The following LINC00305 variants were observed in gnomAD, a reference collection of about 807,000 sequenced individuals.
LINC00305 encodes long intergenic non-protein coding RNA 305.
At chr18:64,098,592 G>A in exon 2 of LINC00305, 1 of 446,484 alleles carries the variant, frequency 2.2e-6, no homozygotes, top group South Asian at 1.6e-5. Flanking sequence ...ATAATGCACA[G>A]TCTATGAAGG....
At chr18:64,124,523 A>C (rs1414943318) in intron 1 of LINC00305, among the ~76,000 whole-genome samples, 1 of 152,138 alleles carries the variant, frequency 6.6e-6, no homozygotes, top group African/African-American at 2.4e-5. Flanking sequence ...AAACTGATTA[A>C]ATTTTTTAAA....
At chr18:64,132,882 T>A (rs1222478260) in intron 1 of LINC00305, among the ~76,000 whole-genome samples, 2 of 152,134 alleles carry the variant, frequency 1.3e-5, no homozygotes, top group South Asian at 2.1e-4. Context: ...GGTGACACCA[T>A]CCCAGCATGA....
At chr18:64,096,041 AT>A (rs554993426) in intron 3 of LINC00305, among the ~76,000 whole-genome samples, 55 of 152,130 alleles carry the variant, frequency 3.6e-4, no homozygotes, top group Admixed American at 3.2e-3. Context: ...ATAAAAAAAA[AT>A]ATTAAAAAAT....
chr18:64,144,201 G>A (rs1436331231), intron 1 of LINC00305, among the ~76,000 whole-genome samples: 1 of 152,164 alleles, frequency 6.6e-6, no homozygotes, highest in Admixed American at 6.5e-5. Context: ...AAGTTGACTG[G>A]AGTTGGTGAA....
At chr18:64,123,016 C>T (rs926482112) in intron 1 of LINC00305, among the ~76,000 whole-genome samples, 1 of 151,952 alleles carries the variant, frequency 6.6e-6, no homozygotes, top group Non-Finnish European at 1.5e-5. Flanking sequence ...AGAATTAATA[C>T]TGATTTTTGT....
At chr18:64,123,528 A>G (rs963736733) in intron 1 of LINC00305, among the ~76,000 whole-genome samples, 1 of 152,134 alleles carries the variant, frequency 6.6e-6, no homozygotes, top group African/African-American at 2.4e-5. Context: ...CTGCTAATAA[A>G]TTCACATAGC....
chr18:64,140,170 C>G (rs1277997136), intron 1 of LINC00305, among the ~76,000 whole-genome samples: 2 of 152,034 alleles, frequency 1.3e-5, no homozygotes, highest in East Asian at 3.9e-4. Flanking sequence ...TCGGAATTAC[C>G]TTGCGTTCCT....
At chr18:64,116,689 G>A (rs1027673577) in intron 1 of LINC00305, among the ~76,000 whole-genome samples, 2 of 152,156 alleles carry the variant, frequency 1.3e-5, no homozygotes, top group Non-Finnish European at 2.9e-5. Context: ...CCATGATCAA[G>A]CTAATTAACA....
intron 1 of LINC00305, among the ~76,000 whole-genome samples, chr18:64,110,847 G>A (rs959206830): frequency 3.9e-5 from 6 of 152,176 alleles, no homozygotes; most frequent in African/African-American, 1.4e-4. Context: ...AAACTAAGCC[G>A]TTATTACCTG....
chr18:64,123,229 T>C (rs1468893814), intron 1 of LINC00305, among the ~76,000 whole-genome samples: 1 of 152,112 alleles, frequency 6.6e-6, no homozygotes, highest in Non-Finnish European at 1.5e-5. Context: ...ATAGAAGTGG[T>C]GAAAGCGGTT....
intron 1 of LINC00305, among the ~76,000 whole-genome samples, chr18:64,106,117 C>T (rs1163961034): frequency 6.6e-6 from 1 of 152,318 alleles, no homozygotes; most frequent in African/African-American, 2.4e-5. Flanking sequence ...TGATTGGCAC[C>T]TGAACTTTAG....
At chr18:64,097,259 G>A (rs1391820535) in intron 3 of LINC00305, among the ~76,000 whole-genome samples, 3 of 152,072 alleles carry the variant, frequency 2.0e-5, no homozygotes, top group Non-Finnish European at 2.9e-5. Flanking sequence ...ATTAATTGCT[G>A]TGAATTAAAT....
chr18:64,085,026 A>C (rs916073713), intron 3 of LINC00305, among the ~76,000 whole-genome samples: 1 of 152,222 alleles, frequency 6.6e-6, no homozygotes, highest in Non-Finnish European at 1.5e-5. Flanking sequence ...TGTGGAATAT[A>C]AGTGACTAGT....
At chr18:64,116,034 TC>T (rs1438562950) in intron 1 of LINC00305, among the ~76,000 whole-genome samples, 2 of 152,254 alleles carry the variant, frequency 1.3e-5, no homozygotes, top group East Asian at 3.9e-4. Context: ...CCCTCCTCCA[TC>T]CCTAGTCTTA....
chr18:64,112,588 G>C (rs575574709), intron 1 of LINC00305, among the ~76,000 whole-genome samples: 27 of 152,278 alleles, frequency 1.8e-4, no homozygotes, highest in Admixed American at 1.4e-3. Flanking sequence ...ATCTTGATAA[G>C]CAAGATTCTA....
At chr18:64,131,964 T>C (rs2144269107) in intron 1 of LINC00305, among the ~76,000 whole-genome samples, 1 of 152,382 alleles carries the variant, frequency 6.6e-6, no homozygotes, top group South Asian at 2.1e-4. Flanking sequence ...CTAATTTTTG[T>C]AGCCTGCTTC....
At chr18:64,136,525 T>C (rs906601058) in intron 1 of LINC00305, among the ~76,000 whole-genome samples, 1 of 152,126 alleles carries the variant, frequency 6.6e-6, no homozygotes, top group African/African-American at 2.4e-5. Context: ...GAGAACAGCA[T>C]GGGGCAAACC....
At chr18:64,141,422 G>T (rs1338372887) in intron 1 of LINC00305, among the ~76,000 whole-genome samples, 1 of 152,092 alleles carries the variant, frequency 6.6e-6, no homozygotes, top group Non-Finnish European at 1.5e-5. Flanking sequence ...TTTAAAAAAG[G>T]TTACTGTTGA....
chr18:64,129,944 T>C (rs1245751390), intron 1 of LINC00305, among the ~76,000 whole-genome samples: 2 of 151,868 alleles, frequency 1.3e-5, no homozygotes, highest in Admixed American at 1.3e-4. Context: ...GCTTGGAGTA[T>C]ATGCCAGTTT....
Sources: gnomAD v4.1 joint callset for allele counts (sites outside exome capture counted in the v4.1 genomes callset) on GRCh38, gnomAD v4.1.1 for gene constraint, MANE v1.5 for transcripts, NCBI Gene and HGNC (gene_info 2026-07-23, HGNC 2026-07-21) for gene names.